AMOTL1: variants seen among roughly 807,000 people sequenced by gnomAD.
AMOTL1 encodes the protein angiomotin-like protein 1.
A neutral mutation model predicts 102.9 loss-of-function variants in AMOTL1; 45 were observed. That is an observed-to-expected ratio of 0.44 (90% CI 0.34 to 0.56). The LOEUF is 0.56. Ranked by LOEUF, AMOTL1 falls within the 20% of genes least tolerant of loss-of-function variation. The pLI is 0.01. For synonymous variants in AMOTL1, 481 were observed against 484.7 expected (o/e 0.99, Z 0.10); for missense variants, 1,114 against 1,225.6 (o/e 0.91, Z 1.36).
At chr11:94,777,935 C>T (rs1951049124) in intron 1 of AMOTL1, among the ~76,000 whole-genome samples, 1 of 152,162 alleles carries the variant, frequency 6.6e-6, no homozygotes, top group Non-Finnish European at 1.5e-5. Context: ...ATTTGAGGGT[C>T]TGTCATGTGC....
At chr11:94,853,083 T>G (rs1042662293) in intron 7 of AMOTL1, among the ~76,000 whole-genome samples, 2 of 152,234 alleles carry the variant, frequency 1.3e-5, no homozygotes, top group African/African-American at 4.8e-5. Context: ...CATTATAGAA[T>G]AAGCATTTCT....
intron 3 of AMOTL1, chr11:94,820,272 T>C (rs1228257985): frequency 6.6e-6 from 1 of 152,382 alleles, no homozygotes; most frequent in African/African-American, 2.4e-5. Flanking sequence ...AGTTCTCACC[T>C]AGACCACACC....
At chr11:94,805,744 A>G (rs1265166771) in intron 3 of AMOTL1, among the ~76,000 whole-genome samples, 3 of 152,144 alleles carry the variant, frequency 2.0e-5, no homozygotes, top group Non-Finnish European at 4.4e-5. Context: ...GAGTACGTTA[A>G]TTTGATTTTT....
rs1953004196 is a variant in AMOTL1, at chr11:94,871,899, G to A, written c.*1104G>A. ...TGACAATTTACAGACAGTTGTCTCA[G>A]TGGTTTCCAGAATCTCACCAGCCTC... On this transcript the variant is annotated 3_prime_UTR_variant, in exon 13 of 13. Coordinates refer to ENST00000433060, the MANE Select transcript of AMOTL1 (RefSeq NM_130847.3). 1 of 152,146 alleles carries A rather than the reference G, an allele frequency of 6.6e-6. No homozygotes were observed. Among genetic ancestry groups the A allele is most frequent in the Non-Finnish European group, 1.5e-5 (1 of 68,070 alleles). The allele number at this position is 152,146 out of a possible 1,614,324, so 9.4% of individuals were successfully genotyped here. A position where few individuals can be genotyped will look rare whatever the true frequency, so the allele number is the denominator to read the frequency against.
At chr11:94,800,378 T>C in intron 3 of AMOTL1, 67 bp downstream of exon 3, 1 of 1,470,360 alleles carries the variant, frequency 6.8e-7, no homozygotes, top group Non-Finnish European at 9.1e-7. Flanking sequence ...TTAGCATTTA[T>C]TATTTTCAGA....
intron 3 of AMOTL1, among the ~76,000 whole-genome samples, chr11:94,743,061 G>T (rs954707812): frequency 1.9e-4 from 29 of 152,254 alleles, no homozygotes; most frequent in African/African-American, 7.0e-4. Context: ...GGGAACCATG[G>T]GGTTCCCTTC....
intron 6 of AMOTL1, among the ~76,000 whole-genome samples, chr11:94,833,972 T>C (rs1211222916): frequency 1.3e-5 from 2 of 152,156 alleles, no homozygotes; most frequent in Non-Finnish European, 2.9e-5. Flanking sequence ...ATGTTCGTCA[T>C]CTCACCTTGC....
intron 8 of AMOTL1, among the ~76,000 whole-genome samples, chr11:94,857,078 T>A (rs985580783): frequency 6.6e-6 from 1 of 152,190 alleles, no homozygotes; most frequent in Non-Finnish European, 1.5e-5. Flanking sequence ...CCAGCCACGG[T>A]TGAATCCTGC....
At chr11:94,854,990 G>A (rs1030772530) in intron 8 of AMOTL1, among the ~76,000 whole-genome samples, 5 of 152,174 alleles carry the variant, frequency 3.3e-5, no homozygotes, top group Admixed American at 2.6e-4. Flanking sequence ...CCTGCACCAC[G>A]GCAAGCAGGA....
chr11:94,750,451 G>A (rs1370609942), intron 3 of AMOTL1, among the ~76,000 whole-genome samples: 1 of 152,208 alleles, frequency 6.6e-6, no homozygotes, highest in Non-Finnish European at 1.5e-5. Flanking sequence ...CTGGCTGCAG[G>A]GATGAGAATG....
Position 94,875,350 on chromosome 11 carries a change from C to G in AMOTL1, c.*4555C>G, listed in dbSNP as rs1335962479. 2 of 152,150 alleles carry G rather than the reference C, an allele frequency of 1.3e-5. No individual in the cohort carries two copies. The highest frequency in any genetic ancestry group is 4.8e-5 in the African/African-American group (2 of 41,428). 9.4% of individuals were successfully genotyped at this position (152,150 alleles called of 1,614,324 possible). A position where few individuals can be genotyped will look rare whatever the true frequency, so the allele number is the denominator to read the frequency against. On this transcript the variant is annotated 3_prime_UTR_variant, in exon 13 of 13. Coordinates refer to ENST00000433060, the MANE Select transcript of AMOTL1 (RefSeq NM_130847.3). ...TCTTAAGTAGTATACCCTTTTCTCA[C>G]TTAGTAATTTAATGGTATATAAAGA...
intron 1 of AMOTL1, among the ~76,000 whole-genome samples, chr11:94,781,919 TAGTC>T (rs1279067093): frequency 6.6e-6 from 1 of 152,034 alleles, no homozygotes; most frequent in Non-Finnish European, 1.5e-5. Context: ...ACAGTGGTAG[TAGTC>T]AGTCAATTAG....
chr11:94,768,229 T>TGCAGACGGGCTCTAGGGCCCA, upstream of AMOTL1: 1 of 1,154,268 alleles, frequency 8.7e-7, no homozygotes. Context: ...GGCGGGTGTC[T>TGCAGACGGGCTCTAGGGCCCA]GCAGACGGGC....
At chr11:94,733,062 G>A (rs1187449228) in intron 2 of AMOTL1, among the ~76,000 whole-genome samples, 1 of 152,230 alleles carries the variant, frequency 6.6e-6, no homozygotes, top group East Asian at 1.9e-4. Context: ...TTGTGAAGTA[G>A]TTAGTCTTAT....
At chr11:94,843,287 G>A (rs1212233036) in intron 6 of AMOTL1, among the ~76,000 whole-genome samples, 3 of 152,246 alleles carry the variant, frequency 2.0e-5, no homozygotes, top group East Asian at 1.9e-4. Context: ...TAGATCACTC[G>A]TATGTGTTGT....
Position 94,729,527 on chromosome 11 carries a change from C to T in AMOTL1, c.85+472C>T, listed in dbSNP as rs150212303. 2.5e-3 allele frequency among the ~76,000 whole-genome samples: 388 copies of T among 152,214 alleles called. 1 individual carries two copies. The highest frequency in any genetic ancestry group is 8.6e-3 in the African/African-American group (358 of 41,544). ...GCTCTTTCCCTTCTTTATGATTATC[C>T]AATTAATGTGACTCAGCATTAAATG... is the stretch of plus-strand genomic sequence containing the variant. On this transcript the variant is annotated intron_variant, in intron 2 of 4. Transcript: ENST00000299004.
chr11:94,758,739 A>G (rs1187471785), intron 3 of AMOTL1, among the ~76,000 whole-genome samples: 1 of 152,252 alleles, frequency 6.6e-6, no homozygotes. Context: ...CAAAAAGTAG[A>G]GAATACAAGA....
chr11:94,768,388 T>C lies in AMOTL1; in HGVS notation c.-124T>C, dbSNP rs1227885991. ...GAGAAGCTCTAGGACCCAGCAGCGGTTGTCGGGTTTGGGGCTGGAGGTGAA... is the reference window on the plus strand; with the variant it reads ...GAGAAGCTCTAGGACCCAGCAGCGGCTGTCGGGTTTGGGGCTGGAGGTGAA... On this transcript the variant is annotated 5_prime_UTR_variant, in exon 1 of 13. Transcript: ENST00000433060. The C allele has an allele frequency of 6.7e-7, 1 of 1,487,180 alleles. No individual in the cohort carries two copies. The highest frequency in any genetic ancestry group is 1.4e-5 in the African/African-American group (1 of 71,138). The allele number at this position is 1,487,180 out of a possible 1,614,324, so 92.1% of individuals were successfully genotyped here.
chr11:94,722,663 C>T (rs1184311285), intron 1 of AMOTL1, among the ~76,000 whole-genome samples: 1 of 152,134 alleles, frequency 6.6e-6, no homozygotes, highest in East Asian at 1.9e-4. Context: ...TACTGCCTCC[C>T]ACATTCTGTA....
Sources: gnomAD v4.1 joint callset for allele counts (sites outside exome capture counted in the v4.1 genomes callset) on GRCh38, gnomAD v4.1.1 for gene constraint, MANE v1.5 for transcripts, NCBI Gene and HGNC (gene_info 2026-07-23, HGNC 2026-07-21) for gene names.